Variants in SLC24A4 observed in about 807,000 individuals in gnomAD.
SLC24A4 encodes the protein sodium/potassium/calcium exchanger 4.
Under a neutral mutation model 79.0 loss-of-function variants are expected in SLC24A4, and 53 were observed. The ratio of observed to expected loss-of-function variants is 0.67; its 90% CI spans 0.54 to 0.84. The LOEUF is 0.84. Among genes scored for constraint, SLC24A4 ranks in the 40% least tolerant of loss-of-function variants. The probability of loss-of-function intolerance (pLI) is 0.00; values close to 1 mark genes in which losing one functional copy is unlikely to be tolerated. For synonymous variants in SLC24A4, 323 were observed against 323.8 expected, an observed-to-expected ratio of 1.00 and a Z score of 0.03; for missense variants, 731 against 822.0, an observed-to-expected ratio of 0.89 and a Z score of 1.35.
At chr14:92,340,971 G>A (rs1321686372) in intron 2 of SLC24A4, among the ~76,000 whole-genome samples, 1 of 152,162 alleles carries the variant, frequency 6.6e-6, no homozygotes, top group Non-Finnish European at 1.5e-5. Context: ...GGGAAGAGTC[G>A]GGGCCTTTCT....
chr14:92,430,919 C>T (rs993738839), intron 2 of SLC24A4, among the ~76,000 whole-genome samples: 7 of 152,202 alleles, frequency 4.6e-5, no homozygotes, highest in African/African-American at 1.7e-4. Context: ...GGGATTTGAG[C>T]AGACAGAGCA....
At chr14:92,433,786 C>T (rs914994947) in intron 2 of SLC24A4, 126 bp from the exon 3 acceptor site, 17 of 771,770 alleles carry the variant, frequency 2.2e-5, no homozygotes, top group Admixed American at 7.8e-5. Flanking sequence ...AATGGCTGGC[C>T]TTCTCTCTGA....
chr14:92,342,322 T>C (rs1886194423), intron 2 of SLC24A4, among the ~76,000 whole-genome samples: 1 of 120,394 alleles, frequency 8.3e-6, no homozygotes, highest in South Asian at 2.6e-4. Context: ...GGGGGGGGGG[T>C]CTCCATTTCT....
At chr14:92,432,478 G>T (rs2139786564) in intron 2 of SLC24A4, among the ~76,000 whole-genome samples, 1 of 152,312 alleles carries the variant, frequency 6.6e-6, no homozygotes, top group East Asian at 1.9e-4. Context: ...CTATTGATCT[G>T]CACTGAAATA....
At chr14:92,428,492 A>G (rs546476053) in intron 2 of SLC24A4, among the ~76,000 whole-genome samples, 7 of 152,190 alleles carry the variant, frequency 4.6e-5, no homozygotes, top group Admixed American at 1.3e-4. Flanking sequence ...ACCTGTCACA[A>G]CATATGAGGA....
intron 2 of SLC24A4, among the ~76,000 whole-genome samples, chr14:92,406,532 C>T (rs1057038077): frequency 6.6e-5 from 10 of 152,244 alleles, no homozygotes; most frequent in African/African-American, 2.4e-4. Context: ...CATTTCCATA[C>T]ATCCTCTAAA....
chr14:92,325,792 C>T, intron 1 of SLC24A4, 76 bp from the exon 2 acceptor site: 1 of 849,810 alleles, frequency 1.2e-6, no homozygotes, highest in Non-Finnish European at 1.9e-6. Context: ...GACATAGACA[C>T]ACAAATGTAA....
At chr14:92,347,007 C>T (rs1886573463) in intron 2 of SLC24A4, among the ~76,000 whole-genome samples, 3 of 152,166 alleles carry the variant, frequency 2.0e-5, no homozygotes, top group South Asian at 2.1e-4. Context: ...TCCTTTATAG[C>T]CCCCACTTCT....
chr14:92,465,650 C>T (rs1894063082), intron 12 of SLC24A4, among the ~76,000 whole-genome samples: 2 of 152,162 alleles, frequency 1.3e-5, no homozygotes, highest in African/African-American at 4.8e-5. Context: ...AGGGCAGCTG[C>T]TTCAGCGAGG....
At chr14:92,432,539 C>T (rs540888999) in intron 2 of SLC24A4, among the ~76,000 whole-genome samples, 2 of 152,230 alleles carry the variant, frequency 1.3e-5, no homozygotes, top group East Asian at 3.9e-4. Flanking sequence ...TCAACAATGC[C>T]GAGTCTCTCC....
chr14:92,323,521 C>G lies in SLC24A4; in HGVS notation c.-310C>G, dbSNP rs1237339802. The G allele has an allele frequency of 5.1e-6, 1 of 197,788 alleles. No homozygotes were observed. The highest frequency in any genetic ancestry group is 6.1e-5 in the Admixed American group (1 of 16,490). 12.3% of individuals were successfully genotyped at this position (197,788 alleles called of 1,614,324 possible). ...GCAGGTAGCGGCTCTAGCGCCGGGA[C>G]TGCGCCAGCCCTGCGAGCCCGGGCC... is the stretch of plus-strand genomic sequence containing the variant. On this transcript the variant is annotated 5_prime_UTR_variant, in exon 1 of 17. Coordinates refer to ENST00000532405, the MANE Select transcript of SLC24A4 (RefSeq NM_153646.4). This position sits in a 1 kb window ranked among gnomAD's most constrained non-coding sequence, Gnocchi z 4.9.
chr14:92,390,237 C>T (rs574426416), intron 2 of SLC24A4, among the ~76,000 whole-genome samples: 1 of 152,088 alleles, frequency 6.6e-6, no homozygotes, highest in East Asian at 1.9e-4. Flanking sequence ...TTCTTTCTCC[C>T]TCGCAAAGGG....
chr14:92,391,825 A>G (rs541831433), intron 2 of SLC24A4, among the ~76,000 whole-genome samples: 49 of 152,322 alleles, frequency 3.2e-4, no homozygotes, highest in African/African-American at 1.0e-3. Context: ...CCTGCTCTGC[A>G]GCCCCAGCTG....
intron 9 of SLC24A4, among the ~76,000 whole-genome samples, chr14:92,448,789 C>T (rs1892961776): frequency 2.0e-5 from 3 of 152,180 alleles, no homozygotes; most frequent in Admixed American, 1.3e-4. Flanking sequence ...GGACAGGCTC[C>T]AGTAAGTAGG....
At chr14:92,488,671 C>T (rs1895509903) in intron 14 of SLC24A4, among the ~76,000 whole-genome samples, 1 of 150,464 alleles carries the variant, frequency 6.6e-6, no homozygotes, top group African/African-American at 2.5e-5. Context: ...TGAATGGGGG[C>T]AGGGTACTCA....
intron 2 of SLC24A4, among the ~76,000 whole-genome samples, chr14:92,361,723 C>T (rs186733543): frequency 2.0e-5 from 3 of 151,994 alleles, no homozygotes; most frequent in African/African-American, 2.4e-5. Context: ...CAGAGAGGTG[C>T]GATGTCTCGA....
At chr14:92,336,534 T>C (rs1445561884) in intron 2 of SLC24A4, among the ~76,000 whole-genome samples, 2 of 152,178 alleles carry the variant, frequency 1.3e-5, no homozygotes, top group African/African-American at 2.4e-5. Context: ...CAGCACAGTG[T>C]GTGGCTCCAG....
intron 2 of SLC24A4, among the ~76,000 whole-genome samples, chr14:92,409,862 A>G (rs1890611911): frequency 6.6e-6 from 1 of 152,230 alleles, no homozygotes; most frequent in South Asian, 2.1e-4. Context: ...AGCCATGTCT[A>G]TGAAAAAATA....
chr14:92,449,278 G>A (rs998773769), intron 10 of SLC24A4, 62 bp downstream of exon 10: 10 of 1,364,068 alleles, frequency 7.3e-6, no homozygotes, highest in Non-Finnish European at 9.0e-6. Context: ...CTCCTCTTTT[G>A]TGTACACACA....
Sources: allele counts gnomAD v4.1 joint callset (sites outside exome capture counted in the v4.1 genomes callset), GRCh38; gene constraint gnomAD v4.1.1; non-coding constraint Gnocchi (gnomAD v3.1); transcripts MANE v1.5; gene names NCBI Gene and HGNC (gene_info 2026-07-23, HGNC 2026-07-21).